The following ITPR1 variants were observed in gnomAD, a reference collection of about 807,000 sequenced individuals.
The protein encoded by ITPR1 is inositol 1,4,5-trisphosphate-gated calcium channel ITPR1.
ITPR1 carries 96 observed loss-of-function variants against 318.4 expected under a neutral mutation model. That is an observed-to-expected ratio of 0.30 (90% CI 0.26 to 0.36). ITPR1 has a LOEUF of 0.36. Ranked by LOEUF, ITPR1 falls within the 10% of genes least tolerant of loss-of-function variation. ITPR1 has a pLI of 1.00. For synonymous variants in ITPR1, 1,312 were observed against 1,289.9 expected (o/e 1.02, Z -0.37); for missense variants, 2,440 against 3,460.2 (o/e 0.71, Z 7.40).
chr3:4,650,325 A>G (rs1381824980), intron 10 of ITPR1, among the ~76,000 whole-genome samples: 1 of 152,086 alleles, frequency 6.6e-6, no homozygotes, highest in Non-Finnish European at 1.5e-5. Flanking sequence ...TGGCTGCACC[A>G]TTTTTTATTC....
chr3:4,661,834 C>G (rs2093839891), intron 14 of ITPR1, among the ~76,000 whole-genome samples: 1 of 152,138 alleles, frequency 6.6e-6, no homozygotes. Context: ...CTCCCTGTAA[C>G]AAATGAAGTT....
At chr3:4,626,293 C>T (rs2092825932) in intron 4 of ITPR1, among the ~76,000 whole-genome samples, 2 of 151,984 alleles carry the variant, frequency 1.3e-5, no homozygotes, top group Non-Finnish European at 2.9e-5. Flanking sequence ...GGTAATAACT[C>T]AGATTAAGAT....
At chr3:4,762,944 C>A (rs746391944) in intron 44 of ITPR1, among the ~76,000 whole-genome samples, 3 of 152,164 alleles carry the variant, frequency 2.0e-5, no homozygotes, top group Non-Finnish European at 4.4e-5. Flanking sequence ...AACCCAAACG[C>A]CCATCAATGA....
rs753250592 is a variant in ITPR1 at position 4,746,646 on chromosome 3, C to T, written c.5544+11292C>T. On this transcript the variant is annotated intron_variant, in intron 44 of 61. Transcript: ENST00000649015. Reference sequence around the variant, plus strand: ...GGCAGAGACCAAGTCTGTCTTCACTCCGAGTCCCCTCGAGGAGCCTCCACA... The same window carrying T: ...GGCAGAGACCAAGTCTGTCTTCACTTCGAGTCCCCTCGAGGAGCCTCCACA... Among the ~76,000 whole-genome samples, 11 of 152,350 alleles carry T rather than the reference C, an allele frequency of 7.2e-5. 1 individual carries two copies. The highest frequency in any genetic ancestry group is 4.8e-5 in the African/African-American group (2 of 41,584).
At chr3:4,676,887 G>T (rs1472860480) in intron 24 of ITPR1, 86 bp downstream of exon 24, 25 of 1,040,186 alleles carry the variant, frequency 2.4e-5, no homozygotes, top group Non-Finnish European at 3.2e-5. Context: ...TGGAGCCCAA[G>T]GCTTTCTGGG....
In ITPR1 at chr3:4,815,308, C is replaced by T. The variant is rs2049217976; in HGVS notation, c.7867+90C>T. 21 of 1,324,156 alleles carry T rather than the reference C, an allele frequency of 1.6e-5. No individual in the cohort carries two copies. In the Admixed American group the frequency reaches 2.3e-4, roughly 15 times the overall value. The allele number at this position is 1,324,156 out of a possible 1,614,324, so 82.0% of individuals were successfully genotyped here. Reference sequence around the variant, plus strand: ...CTGCGAGGGTGTGATGGGCGGGGTGCCTGCCCAGTTATGCGGGAGGGGGCA... The same window carrying T: ...CTGCGAGGGTGTGATGGGCGGGGTGTCTGCCCAGTTATGCGGGAGGGGGCA... On this transcript the variant is annotated intron_variant, in intron 59 of 61. Coordinates refer to ENST00000649015, the MANE Select transcript of ITPR1 (RefSeq NM_001378452.1).
chr3:4,512,929 A>G (rs1015631683), intron 2 of ITPR1, among the ~76,000 whole-genome samples: 1 of 114,272 alleles, frequency 8.8e-6, no homozygotes, highest in Non-Finnish European at 1.8e-5. Context: ...GCCCTCGTGT[A>G]TGTCAGGCAT....
At chr3:4,587,534 G>C (rs576041109) in intron 4 of ITPR1, among the ~76,000 whole-genome samples, 2 of 152,298 alleles carry the variant, frequency 1.3e-5, no homozygotes, top group East Asian at 3.9e-4. Context: ...GCCTCCCAAA[G>C]TACTGGGATT....
intron 2 of ITPR1, among the ~76,000 whole-genome samples, chr3:4,497,562 C>G (rs2080689389): frequency 6.6e-6 from 1 of 152,048 alleles, no homozygotes; most frequent in Non-Finnish European, 1.5e-5. Context: ...AAAGGGGGAA[C>G]AGAAAATAAC....
chr3:4,673,087 C>T, intron 20 of ITPR1, 49 bp from the exon 21 acceptor site: 1 of 1,568,918 alleles, frequency 6.4e-7, no homozygotes, highest in South Asian at 1.2e-5. Context: ...TTCATTCATC[C>T]TGAATGATTT....
At chr3:4,529,720 C>T (rs1331191219) in intron 4 of ITPR1, among the ~76,000 whole-genome samples, 1 of 152,184 alleles carries the variant, frequency 6.6e-6, no homozygotes, top group Non-Finnish European at 1.5e-5. Context: ...TTCCATCACC[C>T]TGTGTAATTA....
At chr3:4,554,440 T>C (rs1372184280) in intron 4 of ITPR1, among the ~76,000 whole-genome samples, 1 of 152,184 alleles carries the variant, frequency 6.6e-6, no homozygotes, top group Non-Finnish European at 1.5e-5. Context: ...TAGTAAATGT[T>C]TTTTGTGGGC....
chr3:4,623,869 A>G (rs1005362603), intron 4 of ITPR1, among the ~76,000 whole-genome samples: 5 of 152,192 alleles, frequency 3.3e-5, no homozygotes, highest in Non-Finnish European at 7.3e-5. Context: ...AATACACTTA[A>G]TGCAATGCAA....
Position 4,766,677 on chromosome 3 carries a change from G to A in ITPR1, c.5692G>A (p.Glu1898Lys). The change falls in exon 45 of 62, where the codon GAG becomes AAG. Residue 1898 changes from glutamate (E) to lysine (K), a missense_variant. By Grantham distance (56) the Glu-to-Lys change is moderately conservative. Around this residue, in one of 23 missense-constraint regions of ITPR1, gnomAD observed 80 missense variants for 122.0 expected, o/e 0.66. Transcript: ENST00000649015. ...SDLGNKKKDDEVDRDAPSRKK... is the reference protein window; with the variant it reads ...SDLGNKKKDDKVDRDAPSRKK... ...CTTGGGAAATAAAAAGAAAGACGAT[G>A]AGGTAGACAGGGATGCCCCATCACG... 1.2e-6 allele frequency: 2 copies of A among 1,611,318 alleles called. No individual in the cohort carries two copies. The highest frequency in any genetic ancestry group is 1.7e-6 in the Non-Finnish European group (2 of 1,178,690).
intron 44 of ITPR1, among the ~76,000 whole-genome samples, chr3:4,754,334 G>A: frequency 6.6e-6 from 1 of 152,162 alleles, no homozygotes; most frequent in East Asian, 1.9e-4. Flanking sequence ...CTCCTCCCGG[G>A]AAGAGGACTT....
intron 44 of ITPR1, among the ~76,000 whole-genome samples, chr3:4,748,042 A>T (rs2044232469): frequency 6.6e-6 from 1 of 152,202 alleles, no homozygotes; most frequent in African/African-American, 2.4e-5. Flanking sequence ...TTCTCATTTT[A>T]TAAAGTGCCC....
chr3:4,793,008 G>T (rs1048287654), intron 52 of ITPR1, among the ~76,000 whole-genome samples: 1 of 152,150 alleles, frequency 6.6e-6, no homozygotes. Context: ...AGGGGAGTGG[G>T]AGAAGTGTCT....
intron 12 of ITPR1, 103 bp downstream of exon 12, chr3:4,653,989 G>A: frequency 1.2e-6 from 1 of 801,740 alleles, no homozygotes; most frequent in Non-Finnish European, 2.0e-6. Flanking sequence ...GAGTGCTGGG[G>A]AAGGAGGAAC....
chr3:4,636,388 T>TTTG (rs1278035842), intron 5 of ITPR1, among the ~76,000 whole-genome samples: 1 of 152,216 alleles, frequency 6.6e-6, no homozygotes, highest in Non-Finnish European at 1.5e-5. Context: ...TAACTCTTAG[T>TTTG]TTAACAGAGT....
Sources: gnomAD v4.1 joint callset for allele counts (sites outside exome capture counted in the v4.1 genomes callset) on GRCh38, gnomAD v4.1.1 for gene constraint, gnomAD v4.1.1 regional missense constraint, MANE v1.5 for transcripts, NCBI Gene and HGNC (gene_info 2026-07-23, HGNC 2026-07-21) for gene names.